GAREM1: variants seen among roughly 807,000 people sequenced by gnomAD.
GAREM1 encodes the protein GRB2-associated and regulator of MAPK protein 1.
Under a neutral mutation model 71.3 loss-of-function variants are expected in GAREM1, and 26 were observed. That is an observed-to-expected ratio of 0.36 (90% confidence interval 0.27 to 0.51). The LOEUF is 0.51. Among genes scored for constraint, GAREM1 ranks in the 20% least tolerant of loss-of-function variants. The probability of loss-of-function intolerance (pLI) is 0.95; values close to 1 mark genes in which losing one functional copy is unlikely to be tolerated. For synonymous variants in GAREM1, 440 were observed against 433.2 expected (o/e 1.02, Z -0.20); for missense variants, 1,026 against 1,103.1 (o/e 0.93, Z 0.99).
chr18:32,401,200 T>G (rs970505536), intron 1 of GAREM1, among the ~76,000 whole-genome samples: 2 of 151,872 alleles, frequency 1.3e-5, no homozygotes, highest in Non-Finnish European at 2.9e-5. Flanking sequence ...AGGGGAGGGA[T>G]AGCATTAGGA....
At chr18:32,336,560 G>A (rs576460507) in intron 2 of GAREM1, among the ~76,000 whole-genome samples, 1 of 152,102 alleles carries the variant, frequency 6.6e-6, no homozygotes, top group South Asian at 2.1e-4. Context: ...ACTTTCTTCT[G>A]GATTGAAACA....
intron 2 of GAREM1, among the ~76,000 whole-genome samples, chr18:32,364,026 A>ATATTTTTTTTTTTTTTTT (rs1336753011): frequency 2.2e-5 from 1 of 46,416 alleles, no homozygotes; most frequent in Non-Finnish European, 3.4e-5. Flanking sequence ...ATATATATAT[A>ATATTTTTTTTTTTTTTTT]TGTTTTTTTT....
rs2041378441 is a variant in GAREM1, at chr18:32,266,697, TATA to T, written c.*1171_*1173del. The T allele has an allele frequency of 6.6e-6, 1 of 152,174 alleles. No homozygotes were observed. Among genetic ancestry groups the T allele is most frequent in the Non-Finnish European group, 1.5e-5 (1 of 68,044 alleles). 9.4% of individuals were successfully genotyped at this position (152,174 alleles called of 1,614,324 possible). A position where few individuals can be genotyped will look rare whatever the true frequency, so the allele number is the denominator to read the frequency against. ...AAAAATACTCAACAGATGTAGCATA[TATA>T]ATAATAAAGGCCGGTGCGTCTGATT... On this transcript the variant is annotated 3_prime_UTR_variant, in exon 6 of 6. Transcript: ENST00000269209.
Position 32,268,470 on chromosome 18 carries a change from C to T in GAREM1, c.2032G>A (p.Ala678Thr), listed in dbSNP as rs1474033265. Residue 678 changes from alanine (A) to threonine (T), a missense_variant, in exon 6 of 6, where the codon GCC becomes ACC. Ala to Thr is a moderately conservative substitution (Grantham distance 58). Coordinates refer to ENST00000269209, the MANE Select transcript of GAREM1 (RefSeq NM_001242409.2). ...PFDFDGCELL[A>T]SPTSPVTAEF... ...GCAGTGACTGGGCTAGTGGGGCTGG[C>T]CAGGAGCTCACAGCCATCAAAATCA... 2 of 1,614,130 alleles carry T rather than the reference C, an allele frequency of 1.2e-6. No individual in the cohort carries two copies. Among genetic ancestry groups the T allele is most frequent in the South Asian group, 2.2e-5 (2 of 91,068 alleles).
chr18:32,306,469 C>CG (rs908771230), intron 3 of GAREM1, among the ~76,000 whole-genome samples: 2 of 141,374 alleles, frequency 1.4e-5, no homozygotes, highest in African/African-American at 5.6e-5. Flanking sequence ...AGCAACCCCC[C>CG]CCACCCACTA....
chr18:32,267,729 C>T lies in GAREM1; in HGVS notation c.*142G>A, dbSNP rs142440811. 2.2e-5 allele frequency: 14 copies of T among 648,580 alleles called. No homozygotes were observed. The highest frequency in any genetic ancestry group is 1.6e-4 in the African/African-American group (9 of 54,766). The allele number at this position is 648,580 out of a possible 1,614,324, so 40.2% of individuals were successfully genotyped here. ...AAATAGCCTGTTCACCATTCAAAAA[C>T]GTAATCTGCATAGTAAGAGTTTCTC... On this transcript the variant is annotated 3_prime_UTR_variant, in exon 6 of 6. Transcript: ENST00000269209.
intron 1 of GAREM1, among the ~76,000 whole-genome samples, chr18:32,413,917 A>C (rs1235456358): frequency 6.6e-6 from 1 of 152,162 alleles, no homozygotes; most frequent in East Asian, 1.9e-4. Flanking sequence ...CTGGGGCAAA[A>C]TGTAACAAAA....
intron 2 of GAREM1, among the ~76,000 whole-genome samples, chr18:32,342,561 T>A (rs925306812): frequency 6.6e-6 from 1 of 152,214 alleles, no homozygotes; most frequent in Non-Finnish European, 1.5e-5. Flanking sequence ...CCTCTTGTCC[T>A]CTATGCTTCC....
At chr18:32,456,841 A>C (rs2048894571) in intron 1 of GAREM1, among the ~76,000 whole-genome samples, 1 of 152,106 alleles carries the variant, frequency 6.6e-6, no homozygotes, top group African/African-American at 2.4e-5. Flanking sequence ...CACATCACGG[A>C]ATATTATGCA....
At chr18:32,434,065 G>A (rs561562763) in intron 1 of GAREM1, among the ~76,000 whole-genome samples, 40 of 152,220 alleles carry the variant, frequency 2.6e-4, no homozygotes, top group Non-Finnish European at 5.1e-4. Context: ...CTGGTGAATG[G>A]AGAGAGACAC....
intron 3 of GAREM1, chr18:32,290,205 G>T (rs1036650057): frequency 6.6e-6 from 1 of 151,336 alleles, no homozygotes; most frequent in Non-Finnish European, 1.5e-5. Flanking sequence ...TTATCTTAGC[G>T]ACCTTTCTAT....
intron 1 of GAREM1, among the ~76,000 whole-genome samples, chr18:32,451,747 AT>A (rs776978495): frequency 2.0e-4 from 30 of 152,268 alleles, no homozygotes; most frequent in Non-Finnish European, 3.7e-4. Flanking sequence ...ACAAAAAAAA[AT>A]CTGGGCCTTT....
chr18:32,413,839 T>C (rs2048442788), intron 1 of GAREM1, among the ~76,000 whole-genome samples: 1 of 152,150 alleles, frequency 6.6e-6, no homozygotes. Flanking sequence ...ATCAATTAAA[T>C]TGGTACTGTG....
rs771123995 is a variant in GAREM1, at chr18:32,461,719, T to C, written c.121+8589A>G. ...CAAAAAATAAATAAATAAATAATAATATTTTAGCAGGTATTTTATATTTTA... is the reference window on the plus strand; with the variant it reads ...CAAAAAATAAATAAATAAATAATAACATTTTAGCAGGTATTTTATATTTTA... On this transcript the variant is annotated intron_variant, in intron 1 of 5. Transcript: ENST00000269209. 3.9e-5 allele frequency among the ~76,000 whole-genome samples: 6 copies of C among 152,028 alleles called. No individual in the cohort carries two copies. In the South Asian group the frequency reaches 6.2e-4, roughly 16 times the overall value.
intron 3 of GAREM1, among the ~76,000 whole-genome samples, chr18:32,288,608 A>C (rs2047050658): frequency 6.6e-6 from 1 of 151,764 alleles, no homozygotes; most frequent in South Asian, 2.1e-4. Flanking sequence ...ATTGAGAAAA[A>C]GAACTTAAAA....
chr18:32,370,808 G>A (rs543103349), intron 2 of GAREM1, among the ~76,000 whole-genome samples: 106 of 151,452 alleles, frequency 7.0e-4, no homozygotes, highest in African/African-American at 2.3e-3. Context: ...TAATACTAAC[G>A]TTAAGATTAT....
chr18:32,461,679 A>T (rs778029940), intron 1 of GAREM1, among the ~76,000 whole-genome samples: 1 of 152,212 alleles, frequency 6.6e-6, no homozygotes, highest in South Asian at 2.1e-4. Context: ...TGAGGGACAG[A>T]GCAAGACTCT....
chr18:32,286,321 A>AGTGTGTGTGTGTGT (rs140225815), intron 4 of GAREM1, among the ~76,000 whole-genome samples: 48 of 143,120 alleles, frequency 3.4e-4, no homozygotes, highest in African/African-American at 7.6e-4. Context: ...CTGGTTCTGG[A>AGTGTGTGTGTGTGT]GTGTGTGTGT....
chr18:32,439,306 C>T (rs1319905390), intron 1 of GAREM1, among the ~76,000 whole-genome samples: 2 of 152,084 alleles, frequency 1.3e-5, no homozygotes, highest in Non-Finnish European at 2.9e-5. Flanking sequence ...TTCAAAAGAA[C>T]ATGCATGGAA....
Sources: allele counts gnomAD v4.1 joint callset (sites outside exome capture counted in the v4.1 genomes callset), GRCh38; gene constraint gnomAD v4.1.1; transcripts MANE v1.5; gene names NCBI Gene and HGNC (gene_info 2026-07-23, HGNC 2026-07-21).